Variants in SHISA9 observed in about 807,000 individuals in gnomAD.
SHISA9 encodes protein shisa-9.
SHISA9 carries 13 observed loss-of-function variants against 38.0 expected under a neutral mutation model. The observed-to-expected ratio is 0.34, with a 90% CI of 0.22 to 0.54. The LOEUF (loss-of-function observed/expected upper bound fraction) is 0.54, where lower values mean the gene tolerates loss of function less well. SHISA9 is among the 20% of genes least tolerant of loss of function. The probability of loss-of-function intolerance (pLI) is 0.91; values close to 1 mark genes in which losing one functional copy is unlikely to be tolerated. For missense variants in SHISA9, 538 were observed against 575.8 expected (o/e 0.93, Z 0.67); for synonymous variants, 275 against 242.0 (o/e 1.14, Z -1.27).
At chr16:12,928,485 C>G (rs1319033962) in intron 2 of SHISA9, among the ~76,000 whole-genome samples, 1 of 152,122 alleles carries the variant, frequency 6.6e-6, no homozygotes, top group Non-Finnish European at 1.5e-5. Flanking sequence ...TAAAAATAGT[C>G]ATTGAATATT....
intron 2 of SHISA9, among the ~76,000 whole-genome samples, chr16:12,934,700 C>G (rs1253100209): frequency 6.6e-6 from 1 of 152,176 alleles, no homozygotes; most frequent in African/African-American, 2.4e-5. Context: ...ATCAGCCAAG[C>G]CCCTTTAAAA....
the SHISA9 span, among the ~76,000 whole-genome samples, chr16:13,472,643 C>T: frequency 0.012 from 1,750 of 152,076 alleles, 29 homozygotes; most frequent in African/African-American, 0.039. Context: ...CCGCCCACCT[C>T]GGCCTCCCAA....
At chr16:13,558,497 TATCA>T in the SHISA9 span, among the ~76,000 whole-genome samples, 12 of 152,218 alleles carry the variant, frequency 7.9e-5, no homozygotes, top group Non-Finnish European at 1.2e-4. Flanking sequence ...ACAACATTTT[TATCA>T]ATCAATCAAT....
chr16:13,230,895 C>T (rs1009384070), intron 4 of SHISA9, among the ~76,000 whole-genome samples: 3 of 152,086 alleles, frequency 2.0e-5, no homozygotes, highest in African/African-American at 7.2e-5. Flanking sequence ...ACTGTCATGG[C>T]GCTGGTGGGA....
In SHISA9 at chr16:12,959,491, C is replaced by T. The variant is rs946977944; in HGVS notation, c.691+42676C>T. 1.1e-4 allele frequency among the ~76,000 whole-genome samples: 17 copies of T among 152,280 alleles called. No individual in the cohort carries two copies. The East Asian group carries it at 2.5e-3, about 22-fold the overall frequency. Reference sequence around the variant, plus strand: ...CCCCTCTACTGTCCACTGTAGTCCTCTTTCGAGGAAAAGAAAAAACTCAGG... The same window carrying T: ...CCCCTCTACTGTCCACTGTAGTCCTTTTTCGAGGAAAAGAAAAAACTCAGG... On this transcript the variant is annotated intron_variant, in intron 2 of 4. Coordinates refer to ENST00000558583, the MANE Select transcript of SHISA9 (RefSeq NM_001145204.3).
At chr16:13,253,838 T>C in the SHISA9 span, among the ~76,000 whole-genome samples, 1 of 152,166 alleles carries the variant, frequency 6.6e-6, no homozygotes, top group East Asian at 1.9e-4. Context: ...AGGTGACACA[T>C]TTCATCCAAT....
At chr16:13,532,045 A>C in the SHISA9 span, among the ~76,000 whole-genome samples, 3 of 152,198 alleles carry the variant, frequency 2.0e-5, no homozygotes, top group African/African-American at 7.2e-5. Flanking sequence ...CTCCCCTCTA[A>C]GGAGTCTGAT....
chr16:13,509,754 T>A, the SHISA9 span, among the ~76,000 whole-genome samples: 1 of 152,190 alleles, frequency 6.6e-6, no homozygotes, highest in African/African-American at 2.4e-5. Flanking sequence ...AGAAACAATA[T>A]ATTATGACAT....
chr16:13,046,407 C>T (rs892391789), intron 2 of SHISA9, among the ~76,000 whole-genome samples: 1 of 152,174 alleles, frequency 6.6e-6, no homozygotes, highest in Non-Finnish European at 1.5e-5. Flanking sequence ...ACACAAAGGC[C>T]TTCTTGGGCC....
the SHISA9 span, among the ~76,000 whole-genome samples, chr16:13,333,961 A>G: frequency 6.6e-6 from 1 of 152,222 alleles, no homozygotes; most frequent in Non-Finnish European, 1.5e-5. Context: ...AACTACAGCC[A>G]CGGAAGCTAA....
intron 2 of SHISA9, among the ~76,000 whole-genome samples, chr16:13,189,805 G>T (rs965716459): frequency 2.6e-5 from 4 of 152,176 alleles, no homozygotes; most frequent in African/African-American, 9.7e-5. Context: ...TGAGTATCTG[G>T]TTTCTAATTT....
intron 2 of SHISA9, among the ~76,000 whole-genome samples, chr16:13,150,823 C>A (rs188715123): frequency 9.7e-4 from 147 of 152,266 alleles, no homozygotes; most frequent in African/African-American, 3.4e-3. Flanking sequence ...TGGAAGAAAC[C>A]CCAGGTAGGG....
At chr16:12,957,619 A>G (rs987049302) in intron 2 of SHISA9, among the ~76,000 whole-genome samples, 2 of 152,222 alleles carry the variant, frequency 1.3e-5, no homozygotes, top group African/African-American at 4.8e-5. Flanking sequence ...TAATAGGATC[A>G]CATTGAGGGG....
rs1026131132 is a variant in SHISA9, at chr16:13,156,403, C to T, written c.692-46991C>T. On this transcript the variant is annotated intron_variant, in intron 2 of 4. Coordinates refer to ENST00000558583, the MANE Select transcript of SHISA9 (RefSeq NM_001145204.3). Reference sequence around the variant, plus strand: ...CACGCGTATATGCACACAATCCTGCCAACACTCATTGATAGGTGCAATTGT... The same window carrying T: ...CACGCGTATATGCACACAATCCTGCTAACACTCATTGATAGGTGCAATTGT... 5.3e-5 allele frequency among the ~76,000 whole-genome samples: 8 copies of T among 152,268 alleles called. 1 individual carries two copies. In the South Asian group the frequency reaches 6.2e-4, roughly 12 times the overall value.
chr16:13,313,791 T>C, the SHISA9 span, among the ~76,000 whole-genome samples: 1 of 152,180 alleles, frequency 6.6e-6, no homozygotes, highest in Non-Finnish European at 1.5e-5. Flanking sequence ...TATCTACAGC[T>C]CTCTGGATGG....
chr16:13,369,576 G>A, the SHISA9 span, among the ~76,000 whole-genome samples: 1 of 151,930 alleles, frequency 6.6e-6, no homozygotes, highest in Non-Finnish European at 1.5e-5. Flanking sequence ...TCAAGCAAGA[G>A]AAGCAGAGGA....
chr16:13,358,387 C>A, the SHISA9 span, among the ~76,000 whole-genome samples: 1 of 152,086 alleles, frequency 6.6e-6, no homozygotes, highest in Non-Finnish European at 1.5e-5. Context: ...CCCTTTGTCC[C>A]CCACCCCCCA....
At chr16:13,163,555 CAATTT>C (rs1233061997) in intron 2 of SHISA9, among the ~76,000 whole-genome samples, 1 of 151,952 alleles carries the variant, frequency 6.6e-6, no homozygotes, top group East Asian at 1.9e-4. Flanking sequence ...TGGTTTTCAG[CAATTT>C]AATTAAGATT....
chr16:13,323,451 C>A, the SHISA9 span, among the ~76,000 whole-genome samples: 1 of 152,312 alleles, frequency 6.6e-6, no homozygotes, highest in Non-Finnish European at 1.5e-5. Context: ...TGTCCCCCTT[C>A]AAATCTCATA....
Sources: allele counts gnomAD v4.1 joint callset (sites outside exome capture counted in the v4.1 genomes callset), GRCh38; gene constraint gnomAD v4.1.1; transcripts MANE v1.5; gene names NCBI Gene and HGNC (gene_info 2026-07-23, HGNC 2026-07-21).